PDCD11: variants seen among roughly 807,000 people sequenced by gnomAD.
The protein encoded by PDCD11 is protein RRP5 homolog.
PDCD11 carries 97 observed loss-of-function variants against 198.9 expected under a neutral mutation model. That is an observed-to-expected ratio of 0.49 (90% CI 0.41 to 0.58). The LOEUF (loss-of-function observed/expected upper bound fraction) is 0.58, where lower values mean the gene tolerates loss of function less well. PDCD11 is among the 20% of genes least tolerant of loss of function. PDCD11 has a pLI of 0.00. For missense variants in PDCD11, 2,102 were observed against 2,312.7 expected (o/e 0.91, Z 1.87); for synonymous variants, 893 against 918.0 (o/e 0.97, Z 0.49).
rs1220363676 is a variant in PDCD11 at position 103,443,960 on chromosome 10, G to A, written c.5170G>A (p.Glu1724Lys). Residue 1724 changes from glutamate to lysine, a missense_variant, in exon 34 of 36, where the codon GAG becomes AAG. Coordinates refer to ENST00000369797, the MANE Select transcript of PDCD11 (RefSeq NM_014976.2). ...CCGGATGCTGAAGCGTTTCCGGCAG[G>A]AGAAAGCTGTGTGGATCAAATACGG... ...YNRMLKRFRQ[E>K]KAVWIKYGAF... is the part of the protein sequence containing the mutation. 13 of 1,614,090 alleles carry A rather than the reference G, an allele frequency of 8.1e-6. No individual in the cohort carries two copies. In the Admixed American group the frequency reaches 1.3e-4, roughly 17 times the overall value.
intron 21 of PDCD11, among the ~76,000 whole-genome samples, chr10:103,429,105 G>A (rs2031819025): frequency 6.6e-6 from 1 of 152,148 alleles, no homozygotes. Flanking sequence ...TTTCGTATGG[G>A]GATCTCGTTC....
Position 103,434,358 on chromosome 10 carries a change from G to A in PDCD11, c.3667+8G>A. 6.4e-7 allele frequency: 1 copy of A among 1,556,542 alleles called. No homozygotes were observed. Among genetic ancestry groups the A allele is most frequent in the Non-Finnish European group, 8.9e-7 (1 of 1,128,122 alleles). On this transcript the variant is annotated splice_region_variant and intron_variant, in intron 24 of 35. Transcript: ENST00000369797. ...TATGTCTGTCCCTCACAGGTGTGGG[G>A]ATGAAACAGTGCCTGGTCGGGGAAG...
chr10:103,438,114 C>T (rs1564776650), intron 26 of PDCD11, 43 bp downstream of exon 26: 1 of 1,551,238 alleles, frequency 6.4e-7, no homozygotes, highest in Admixed American at 1.7e-5. Flanking sequence ...GGAAGACCCA[C>T]TCAGGATCAA....
chr10:103,400,063 ACT>A (rs376333200), intron 2 of PDCD11, among the ~76,000 whole-genome samples: 11 of 152,178 alleles, frequency 7.2e-5, no homozygotes, highest in African/African-American at 2.2e-4. Flanking sequence ...GGTCTGTGTA[ACT>A]CTGGTGTCCA....
chr10:103,439,571 C>G (rs1199748429), intron 27 of PDCD11, among the ~76,000 whole-genome samples, 175 bp from the exon 28 acceptor site: 1 of 152,170 alleles, frequency 6.6e-6, no homozygotes, highest in African/African-American at 2.4e-5. Flanking sequence ...CTTCATTATG[C>G]TTGATGATGA....
At chr10:103,399,294 C>T (rs2093452312) in intron 2 of PDCD11, among the ~76,000 whole-genome samples, 2 of 152,034 alleles carry the variant, frequency 1.3e-5, no homozygotes, top group African/African-American at 4.8e-5. Context: ...AGATGATCTG[C>T]TCACCTTGAC....
chr10:103,400,376 G>T, intron 2 of PDCD11, 21 bp from the exon 3 acceptor site: 1 of 1,598,748 alleles, frequency 6.3e-7, no homozygotes, highest in South Asian at 1.1e-5. Context: ...GTCTTTGTGG[G>T]CTCCCCCTAC....
intron 1 of PDCD11, among the ~76,000 whole-genome samples, chr10:103,398,102 G>A (rs185290517): frequency 1.9e-4 from 29 of 152,332 alleles, no homozygotes; most frequent in Admixed American, 1.6e-3. Flanking sequence ...TTTGAAGGCA[G>A]AGGATTATAT....
At chr10:103,437,123 C>T (rs907206276) in intron 25 of PDCD11, among the ~76,000 whole-genome samples, 35 of 152,172 alleles carry the variant, frequency 2.3e-4, no homozygotes, top group African/African-American at 7.7e-4. Flanking sequence ...TGTGAGACTT[C>T]CTTTTCTTCT....
Position 103,425,542 on chromosome 10 carries a change from G to A in PDCD11, c.3305+17G>A, listed in dbSNP as rs2031657207. The stretch of plus-strand genomic sequence containing the variant: ...GACATTCAAGTATGGAGGCTCTGGG[G>A]GTGGGCTGGCTTCGAGGGAGATTGT... On this transcript the variant is annotated intron_variant, in intron 20 of 35. Transcript: ENST00000369797. The A allele has an allele frequency of 6.3e-7, 1 of 1,591,504 alleles. No homozygotes were observed. The highest frequency in any genetic ancestry group is 2.3e-5 in the East Asian group (1 of 44,352).
At position 103,432,183 on chromosome 10, in the gene PDCD11, G is replaced by A; in HGVS notation, c.3423G>A (p.Glu1141=). The change falls in exon 22 of 36, where the codon GAG becomes GAA. Residue 1141 remains glutamate, a synonymous_variant. Coordinates refer to ENST00000369797, the MANE Select transcript of PDCD11 (RefSeq NM_014976.2). ...ALNTHSVSPM[E]KIKQYQAGQT... ...ACACTCACTCTGTTAGCCCCATGGA[G>A]AAGATTAAACAGTACCAGGCCGGCC... 2 of 1,614,140 alleles carry A rather than the reference G, an allele frequency of 1.2e-6. No homozygotes were observed. The highest frequency in any genetic ancestry group is 8.5e-7 in the Non-Finnish European group (1 of 1,179,950).
Position 103,398,486 on chromosome 10 carries a change from G to C in PDCD11, c.60G>C (p.Glu20Asp). The change falls in exon 2 of 36, where the codon GAG becomes GAC. Residue 20 changes from glutamate to aspartate, a missense_variant. Glu to Asp is a conservative substitution (Grantham distance 45). Coordinates refer to ENST00000369797, the MANE Select transcript of PDCD11 (RefSeq NM_014976.2). ...GTACAAGAAAGATCCACAAACCAGA[G>C]AAAGCTTTCCAGCAGTCAGTTGAAC... ...RGGTRKIHKPEKAFQQSVEQD... is the reference protein window; with the variant it reads ...RGGTRKIHKPDKAFQQSVEQD... The C allele has an allele frequency of 6.2e-7, 1 of 1,614,114 alleles. No homozygotes were observed. Among genetic ancestry groups the C allele is most frequent in the African/African-American group, 1.3e-5 (1 of 75,038 alleles).
intron 22 of PDCD11, among the ~76,000 whole-genome samples, chr10:103,433,623 A>C (rs2032027328): frequency 1.3e-5 from 2 of 152,266 alleles, no homozygotes; most frequent in African/African-American, 4.8e-5. Flanking sequence ...ATCGCTGGGC[A>C]CAGCTGAGCT....
At position 103,406,083 on chromosome 10, in the gene PDCD11, G is replaced by A; in HGVS notation, c.663G>A (p.Gln221=). 2 of 1,614,176 alleles carry A rather than the reference G, an allele frequency of 1.2e-6. No homozygotes were observed. The highest frequency in any genetic ancestry group is 1.3e-5 in the African/African-American group (1 of 75,042). Reference sequence around the variant, plus strand: ...CTTTTCTGCCACTGCTGAAAGCCCAGGAGTACATCAGACAGAAGAACAAAG... The same window carrying A: ...CTTTTCTGCCACTGCTGAAAGCCCAAGAGTACATCAGACAGAAGAACAAAG... ...TRAFLPLLKA[Q]EYIRQKNKGA... is the part of the protein sequence containing the mutation. The change falls in exon 6 of 36, where the codon CAG becomes CAA. Residue 221 remains glutamine (Q), a synonymous_variant. Transcript: ENST00000369797.
chr10:103,412,805 G>A (rs1592119747), intron 8 of PDCD11, among the ~76,000 whole-genome samples: 1 of 152,112 alleles, frequency 6.6e-6, no homozygotes, highest in African/African-American at 2.4e-5. Flanking sequence ...CACTATGTGC[G>A]CAGGCTGGTC....
At chr10:103,414,122 A>G (rs769206162) in intron 10 of PDCD11, 32 bp downstream of exon 10, 2 of 1,599,476 alleles carry the variant, frequency 1.3e-6, no homozygotes, top group South Asian at 2.2e-5. Flanking sequence ...AGGGGTGTAG[A>G]GATGTGCACC....
intron 24 of PDCD11, 51 bp from the exon 25 acceptor site, chr10:103,434,747 C>A: frequency 6.7e-7 from 1 of 1,499,916 alleles, no homozygotes; most frequent in Non-Finnish European, 9.0e-7. Flanking sequence ...CATTCCCGCT[C>A]CTCCCTTAGC....
intron 1 of PDCD11, among the ~76,000 whole-genome samples, chr10:103,397,146 T>C (rs1465643183): frequency 6.6e-6 from 1 of 151,984 alleles, no homozygotes; most frequent in East Asian, 1.9e-4. Flanking sequence ...ACCTCTCCTG[T>C]CTTCTGTTTT....
chr10:103,419,529 T>C lies in PDCD11; in HGVS notation c.2107-9T>C. ...CTTTCTGGAACATTCCTTGATGAAGTACCACTAGCTTCTTTGCAGGAAGCC... is the reference window on the plus strand; with the variant it reads ...CTTTCTGGAACATTCCTTGATGAAGCACCACTAGCTTCTTTGCAGGAAGCC... On this transcript the variant is annotated splice_polypyrimidine_tract_variant and intron_variant, in intron 15 of 35. Coordinates refer to ENST00000369797, the MANE Select transcript of PDCD11 (RefSeq NM_014976.2). 6.2e-7 allele frequency: 1 copy of C among 1,611,642 alleles called. No homozygotes were observed. Among genetic ancestry groups the C allele is most frequent in the Non-Finnish European group, 8.5e-7 (1 of 1,178,872 alleles).
Sources: allele counts gnomAD v4.1 joint callset (sites outside exome capture counted in the v4.1 genomes callset), GRCh38; gene constraint gnomAD v4.1.1; transcripts MANE v1.5; gene names NCBI Gene and HGNC (gene_info 2026-07-23, HGNC 2026-07-21).